Variants in PHACTR3 observed in about 807,000 individuals in gnomAD.
PHACTR3 encodes phosphatase and actin regulator 3, also known as protein phosphatase 1, regulatory subunit 123.
PHACTR3 carries 16 observed loss-of-function variants against 66.8 expected under a neutral mutation model. The ratio of observed to expected loss-of-function variants is 0.24; its 90% CI spans 0.16 to 0.36. PHACTR3 has a LOEUF of 0.36. PHACTR3 is among the 10% of genes least tolerant of loss of function. The probability of loss-of-function intolerance (pLI) is 1.00; values close to 1 mark genes in which losing one functional copy is unlikely to be tolerated. For missense variants in PHACTR3, 647 were observed against 719.9 expected, an observed-to-expected ratio of 0.90 and a Z score of 1.16; for synonymous variants, 323 against 292.1, an observed-to-expected ratio of 1.11 and a Z score of -1.08.
chr20:59,605,159 C>A, intron 1 of PHACTR3, 27 bp downstream of exon 1: 1 of 247,594 alleles, frequency 4.0e-6, no homozygotes, highest in Non-Finnish European at 7.4e-6. Flanking sequence ...GGGCGGCGGG[C>A]GGGTCGGGGA....
At position 59,830,180 on chromosome 20, in the gene PHACTR3, C is replaced by A. The variant is rs113946584; in HGVS notation, c.1329-6325C>A. ...TGCGTGTCTGGTGGAAGAGGGTGTG[C>A]GTGTCTGATGGAAGAGGGTATGAGT... is the stretch of plus-strand genomic sequence containing the variant. On this transcript the variant is annotated intron_variant, in intron 8 of 12. Transcript: ENST00000371015. This position sits in a 1 kb window ranked among gnomAD's most constrained non-coding sequence, Gnocchi z 5.8. Among the ~76,000 whole-genome samples, 1,829 of 145,652 alleles carry A rather than the reference C, an allele frequency of 0.013. 24 individuals are homozygous for A. The highest frequency in any genetic ancestry group is 0.034 in the African/African-American group (1,324 of 38,906).
At chr20:59,658,793 T>C (rs953168440) in intron 1 of PHACTR3, among the ~76,000 whole-genome samples, 2 of 152,186 alleles carry the variant, frequency 1.3e-5, no homozygotes, top group African/African-American at 4.8e-5. Context: ...TGAACCCCTT[T>C]GCAAAGGTAT....
rs536725827 is a variant in PHACTR3 at position 59,777,204 on chromosome 20, A to G, written c.1174+2714A>G. 2.6e-5 allele frequency among the ~76,000 whole-genome samples: 4 copies of G among 152,262 alleles called. No individual in the cohort carries two copies. In the South Asian group the frequency reaches 8.3e-4, roughly 32 times the overall value. ...CTCCCCTTCATATGAGGATAGTAGT[A>G]TTGCAGGCAGGGCCCATCTGGATAA... is the stretch of plus-strand genomic sequence containing the variant. On this transcript the variant is annotated intron_variant, in intron 7 of 12. Transcript: ENST00000371015.
chr20:59,709,480 G>C (rs1008202399), intron 1 of PHACTR3, among the ~76,000 whole-genome samples: 1 of 152,010 alleles, frequency 6.6e-6, no homozygotes, highest in African/African-American at 2.4e-5. Flanking sequence ...AAGAAGCCAG[G>C]GTTTTTTTTC....
intron 8 of PHACTR3, among the ~76,000 whole-genome samples, chr20:59,833,957 G>T (rs1475361427): frequency 6.6e-6 from 1 of 152,120 alleles, no homozygotes; most frequent in East Asian, 1.9e-4. Flanking sequence ...GTGGAACAAG[G>T]TGTTTGGAAA....
At chr20:59,635,153 C>CTTTCTTTCTT (rs1568948908) in intron 1 of PHACTR3, among the ~76,000 whole-genome samples, 416 of 36,552 alleles carry the variant, frequency 0.011, no homozygotes, top group East Asian at 0.032. Flanking sequence ...CTTTCTTTTT[C>CTTTCTTTCTT]TTTCTTTCTT....
intron 1 of PHACTR3, among the ~76,000 whole-genome samples, chr20:59,679,400 A>T (rs897470641): frequency 3.3e-5 from 5 of 152,316 alleles, no homozygotes; most frequent in African/African-American, 1.2e-4. Flanking sequence ...CTGAAACAAT[A>T]GGTGTTCATA....
At chr20:59,834,357 C>T (rs748975218) in intron 8 of PHACTR3, among the ~76,000 whole-genome samples, 8 of 152,222 alleles carry the variant, frequency 5.3e-5, no homozygotes, top group Non-Finnish European at 1.2e-4. Flanking sequence ...TATTCACACA[C>T]AGAGGCTGTT....
intron 5 of PHACTR3, among the ~76,000 whole-genome samples, chr20:59,771,552 A>C: frequency 6.9e-6 from 1 of 145,862 alleles, no homozygotes; most frequent in Non-Finnish European, 1.5e-5. Flanking sequence ...CCAGCCCAGT[A>C]CTCTCAGCCC....
chr20:59,633,479 C>T (rs942281719), intron 1 of PHACTR3, among the ~76,000 whole-genome samples: 2 of 152,096 alleles, frequency 1.3e-5, no homozygotes, highest in Admixed American at 6.5e-5. Context: ...GAGAGGGGAA[C>T]AACCCACACC....
intron 1 of PHACTR3, among the ~76,000 whole-genome samples, chr20:59,706,088 A>T (rs942083435): frequency 5.3e-5 from 8 of 152,316 alleles, no homozygotes; most frequent in African/African-American, 1.9e-4. Flanking sequence ...TGTGCAAACA[A>T]GTTTCTCACA....
intron 1 of PHACTR3, among the ~76,000 whole-genome samples, chr20:59,624,174 G>A (rs1349405294): frequency 1.3e-5 from 2 of 152,084 alleles, no homozygotes; most frequent in Non-Finnish European, 2.9e-5. Flanking sequence ...CTCTTTTGGT[G>A]CTCTCATGGG....
rs527877583 is a variant in PHACTR3, at chr20:59,670,607, G to C, written c.118+65475G>C. 1.0e-3 allele frequency among the ~76,000 whole-genome samples: 123 copies of C among 118,096 alleles called. 4 individuals carry two copies. Among genetic ancestry groups the C allele is most frequent in the African/African-American group, 4.3e-3 (118 of 27,224 alleles). The allele number at this position is 118,096 out of a possible 152,430, so 77.5% of individuals were successfully genotyped here. On this transcript the variant is annotated intron_variant, in intron 1 of 12. Transcript: ENST00000371015. ...TGAGGACAGGCATCTGCCGGGGGTG[G>C]GGGGGGGGGGCAGGCACTTTTACTG...
chr20:59,790,476 G>A (rs981880292), intron 7 of PHACTR3, among the ~76,000 whole-genome samples: 4 of 152,206 alleles, frequency 2.6e-5, no homozygotes, highest in Admixed American at 1.3e-4. Flanking sequence ...AGAAATGCAG[G>A]AATGAGGACA....
At chr20:59,702,462 C>T (rs2037540821) in intron 1 of PHACTR3, among the ~76,000 whole-genome samples, 1 of 152,186 alleles carries the variant, frequency 6.6e-6, no homozygotes, top group African/African-American at 2.4e-5. Context: ...TCTAAGATGC[C>T]CTCCTGACCC....
intron 4 of PHACTR3, among the ~76,000 whole-genome samples, chr20:59,758,979 G>A (rs112657456): frequency 0.011 from 1,643 of 152,238 alleles, 32 homozygotes; most frequent in African/African-American, 0.038. Context: ...TGCTACTGTA[G>A]CATCACTGTT....
At chr20:59,750,518 T>A (rs752625159) in intron 3 of PHACTR3, among the ~76,000 whole-genome samples, 1 of 151,916 alleles carries the variant, frequency 6.6e-6, no homozygotes, top group Non-Finnish European at 1.5e-5. Flanking sequence ...GGAAGGGACC[T>A]TGAGATGGTG....
At chr20:59,630,582 C>T (rs2034626016) in intron 1 of PHACTR3, among the ~76,000 whole-genome samples, 1 of 152,130 alleles carries the variant, frequency 6.6e-6, no homozygotes, top group South Asian at 2.1e-4. Context: ...CATTTTAGAC[C>T]AAGTGGTTCT....
chr20:59,767,415 G>T lies in PHACTR3; in HGVS notation c.751+20G>T, dbSNP rs762634770. 3.7e-6 allele frequency: 6 copies of T among 1,607,432 alleles called. No homozygotes were observed. The South Asian group carries it at 5.5e-5, about 15-fold the overall frequency. ...TCACAGGTGGGTCCACATGCATCCTGCCCATTCTATTTCCTTTCTCTGCCC... is the reference window on the plus strand; with the variant it reads ...TCACAGGTGGGTCCACATGCATCCTTCCCATTCTATTTCCTTTCTCTGCCC... On this transcript the variant is annotated intron_variant, in intron 5 of 12. Coordinates refer to ENST00000371015, the MANE Select transcript of PHACTR3 (RefSeq NM_080672.5).
Sources: allele counts gnomAD v4.1 joint callset (sites outside exome capture counted in the v4.1 genomes callset), GRCh38; gene constraint gnomAD v4.1.1; non-coding constraint Gnocchi (gnomAD v3.1); transcripts MANE v1.5; gene names NCBI Gene and HGNC (gene_info 2026-07-23, HGNC 2026-07-21).